Variants in VRTN observed in about 807,000 individuals in gnomAD.
VRTN encodes the protein vertebrae development associated.
Under a neutral mutation model 18.2 loss-of-function variants are expected in VRTN, and 5 were observed. That is an observed-to-expected ratio of 0.27 (90% CI 0.14 to 0.58). VRTN has a LOEUF of 0.58. VRTN is among the 20% of genes least tolerant of loss of function. The pLI is 0.91. For missense variants in VRTN, 741 were observed against 939.4 expected, an observed-to-expected ratio of 0.79 and a Z score of 2.76; for synonymous variants, 381 against 393.7, an observed-to-expected ratio of 0.97 and a Z score of 0.38.
chr14:74,351,843 C>G (rs1468229101), intron 1 of VRTN, among the ~76,000 whole-genome samples: 1 of 151,516 alleles, frequency 6.6e-6, no homozygotes, highest in East Asian at 1.9e-4. Flanking sequence ...GGTGGCTGTT[C>G]CCTCAGTACT....
At chr14:74,353,744 A>G (rs147899560) in intron 1 of VRTN, among the ~76,000 whole-genome samples, 1,658 of 150,656 alleles carry the variant, frequency 0.011, 22 homozygotes, top group African/African-American at 0.039. Context: ...TTTTTTTGAG[A>G]TGGAGTCTCA....
chr14:74,320,561 CTCTTTTTTTTTTTTTTTTTTT>C (rs2085448931), intron 1 of VRTN, among the ~76,000 whole-genome samples: 1 of 91,520 alleles, frequency 1.1e-5, no homozygotes, highest in African/African-American at 4.5e-5. Flanking sequence ...TGCGCCCGGC[CTCTTTTTTTTTTTTTTTTTTT>C]TTTTTTTTTT....
upstream of VRTN, among the ~76,000 whole-genome samples, chr14:74,347,526 G>C (rs746443588): frequency 3.4e-4 from 51 of 152,208 alleles, no homozygotes; most frequent in Non-Finnish European, 6.9e-4. Flanking sequence ...ATTTTACAGT[G>C]GTTGTCAGGG....
intron 1 of VRTN, among the ~76,000 whole-genome samples, chr14:74,351,052 T>A (rs563775788): frequency 6.8e-4 from 103 of 152,358 alleles, no homozygotes; most frequent in African/African-American, 2.4e-3. Flanking sequence ...ATTTTCCTAA[T>A]TTTGTTTACA....
Position 74,358,617 on chromosome 14 carries a change from G to T in VRTN, c.1834G>T (p.Gly612Trp), listed in dbSNP as rs761206901. ...TTCCAGAGAGGGGGCCCTGCAGGAG[G>T]GGGCCACAGCCCAGGGCCAGCCCCA... ...GPSREGALQE[G>W]ATAQGQPHSG... Residue 612 changes from glycine (G) to tryptophan (W), a missense_variant, in exon 2 of 2, where the codon GGG becomes TGG. Coordinates refer to ENST00000256362, the MANE Select transcript of VRTN (RefSeq NM_018228.3). The surrounding 1 kb of genome is among the most constrained non-coding windows in gnomAD (Gnocchi z 5.4). 1 of 1,601,962 alleles carries T rather than the reference G, an allele frequency of 6.2e-7. No homozygotes were observed. Among genetic ancestry groups the T allele is most frequent in the Admixed American group, 1.7e-5 (1 of 59,032 alleles).
upstream of VRTN, among the ~76,000 whole-genome samples, chr14:74,346,909 T>C (rs1238151527): frequency 6.6e-6 from 1 of 152,206 alleles, no homozygotes; most frequent in Non-Finnish European, 1.5e-5. Flanking sequence ...TGATAGCAAG[T>C]AATGCAGACG....
intron 1 of VRTN, among the ~76,000 whole-genome samples, chr14:74,310,910 C>T (rs552415287): frequency 1.3e-5 from 2 of 151,878 alleles, no homozygotes; most frequent in African/African-American, 4.8e-5. Flanking sequence ...CCTAGGCTGT[C>T]GAACTCCTGG....
At chr14:74,308,305 A>G (rs1410927514) in intron 1 of VRTN, among the ~76,000 whole-genome samples, 1 of 152,152 alleles carries the variant, frequency 6.6e-6, no homozygotes, top group Non-Finnish European at 1.5e-5. Flanking sequence ...GCAATTGATC[A>G]TATGTCATTT....
intron 1 of VRTN, among the ~76,000 whole-genome samples, chr14:74,320,675 C>T (rs1420798514): frequency 3.6e-5 from 5 of 137,514 alleles, no homozygotes; most frequent in African/African-American, 1.3e-4. Flanking sequence ...CAACCTCTAC[C>T]TCCCGGGTTC....
chr14:74,336,261 G>A (rs2140204248), intron 1 of VRTN, among the ~76,000 whole-genome samples: 1 of 151,996 alleles, frequency 6.6e-6, no homozygotes, highest in African/African-American at 2.4e-5. Flanking sequence ...TACAAAATTA[G>A]CTGGGCATGG....
In VRTN at chr14:74,357,734, G is replaced by C. The variant is rs2085741389; in HGVS notation, c.951G>C (p.Lys317Asn). The C allele has an allele frequency of 6.2e-7, 1 of 1,613,296 alleles. No individual in the cohort carries two copies. Among genetic ancestry groups the C allele is most frequent in the Non-Finnish European group, 8.5e-7 (1 of 1,180,048 alleles). ...AGGTTGCTGCCCGCTTCTCCGCCAA[G>C]CACTTCCTGCAGGACAGCTTCCACC... Reference protein sequence around the residue: ...RQKVAARFSAKHFLQDSFHRG... With the variant: ...RQKVAARFSANHFLQDSFHRG... The change falls in exon 2 of 2, where the codon AAG becomes AAC. Residue 317 changes from lysine (K) to asparagine (N), a missense_variant. Physicochemically the swap from Lys to Asn is moderately conservative, Grantham distance 94 (BLOSUM62 0). Around this residue, in one of 3 missense-constraint regions of VRTN, gnomAD observed 494 missense variants for 546.5 expected, o/e 0.90. Coordinates refer to ENST00000256362, the MANE Select transcript of VRTN (RefSeq NM_018228.3). The surrounding 1 kb of genome is among the most constrained non-coding windows in gnomAD (Gnocchi z 7.8).
At chr14:74,356,758 G>A in intron 1 of VRTN, 25 bp from the exon 2 acceptor site, 1 of 1,557,450 alleles carries the variant, frequency 6.4e-7, no homozygotes, top group Non-Finnish European at 8.7e-7. Context: ...CCTGACTACT[G>A]CCCCTTTATC....
intron 1 of VRTN, among the ~76,000 whole-genome samples, chr14:74,322,157 T>A (rs1371129137): frequency 6.6e-6 from 1 of 151,860 alleles, no homozygotes; most frequent in African/African-American, 2.4e-5. Context: ...CCCATATTTT[T>A]TTTTTTTTGA....
At chr14:74,345,510 C>G (rs951251392), upstream of VRTN, among the ~76,000 whole-genome samples, 1 of 151,668 alleles carries the variant, frequency 6.6e-6, no homozygotes, top group African/African-American at 2.4e-5. Context: ...TGCCACCATG[C>G]CCGGCTAATT....
chr14:74,346,351 G>A (rs1226704986), upstream of VRTN, among the ~76,000 whole-genome samples: 2 of 152,092 alleles, frequency 1.3e-5, no homozygotes, highest in African/African-American at 4.8e-5. Flanking sequence ...AAAAGGACTG[G>A]CAGGTTTAGT....
At position 74,356,849 on chromosome 14, in the gene VRTN, A is replaced by T. The variant is rs982398457; in HGVS notation, c.66A>T (p.Glu22Asp). The T allele has an allele frequency of 6.2e-7, 1 of 1,613,454 alleles. No individual in the cohort carries two copies. The highest frequency in any genetic ancestry group is 8.5e-7 in the Non-Finnish European group (1 of 1,179,756). ...LQELQEAVEC[E>D]GLEGLIGASL... The stretch of plus-strand genomic sequence containing the variant: ...AGCTGCAGGAAGCAGTGGAGTGCGA[A>T]GGCCTGGAGGGTCTCATAGGTGCTT... The change falls in exon 2 of 2, where the codon GAA becomes GAT. Residue 22 changes from glutamate (E) to aspartate (D), a missense_variant. Transcript: ENST00000256362.
chr14:74,330,441 C>CTT (rs34686412), intron 1 of VRTN, among the ~76,000 whole-genome samples: 3,619 of 137,952 alleles, frequency 0.026, 196 homozygotes, highest in African/African-American at 0.089. Flanking sequence ...CAGTATCAAA[C>CTT]TTTTTTTTTT....
upstream of VRTN, among the ~76,000 whole-genome samples, chr14:74,344,288 C>T (rs1000637802): frequency 3.7e-5 from 4 of 107,506 alleles, no homozygotes; most frequent in African/African-American, 1.3e-4. Flanking sequence ...TGGTGCCCAG[C>T]TATGGTCCCA....
chr14:74,346,269 C>A (rs1376714931), upstream of VRTN, among the ~76,000 whole-genome samples: 1 of 151,928 alleles, frequency 6.6e-6, no homozygotes, highest in Non-Finnish European at 1.5e-5. Flanking sequence ...ACCATCTCAC[C>A]CCAGCAGCAA....
Sources: gnomAD v4.1 joint callset for allele counts (sites outside exome capture counted in the v4.1 genomes callset) on GRCh38, gnomAD v4.1.1 for gene constraint, gnomAD v4.1.1 regional missense constraint, Gnocchi (gnomAD v3.1) non-coding constraint, MANE v1.5 for transcripts, NCBI Gene and HGNC (gene_info 2026-07-23, HGNC 2026-07-21) for gene names.